The following CTNNA3 variants were observed in gnomAD, a reference collection of about 807,000 sequenced individuals.
The protein encoded by CTNNA3 is catenin alpha 3.
A neutral mutation model predicts 95.7 loss-of-function variants in CTNNA3; 76 were observed. The ratio of observed to expected loss-of-function variants is 0.79; its 90% CI spans 0.66 to 0.96. The LOEUF (loss-of-function observed/expected upper bound fraction) is 0.96, where lower values mean the gene tolerates loss of function less well. Ranked by LOEUF, CTNNA3 falls within the 40% of genes least tolerant of loss-of-function variation. CTNNA3 has a pLI of 0.00. For missense variants in CTNNA3, 1,191 were observed against 1,089.8 expected (o/e 1.09, Z -1.31); for synonymous variants, 431 against 374.4 (o/e 1.15, Z -1.74).
intron 12 of CTNNA3, among the ~76,000 whole-genome samples, chr10:66,340,153 C>T (rs1034351008): frequency 7.2e-5 from 11 of 151,824 alleles, no homozygotes; most frequent in Admixed American, 5.9e-4. Context: ...TCACCATATA[C>T]TCAAGAAACT....
intron 7 of CTNNA3, among the ~76,000 whole-genome samples, chr10:67,051,789 C>T (rs1328767457): frequency 1.3e-5 from 2 of 150,098 alleles, no homozygotes; most frequent in East Asian, 2.0e-4. Flanking sequence ...GAGTCTCACT[C>T]TCTCTCCCAG....
intron 13 of CTNNA3, among the ~76,000 whole-genome samples, chr10:66,132,218 G>T (rs922349126): frequency 1.3e-5 from 2 of 152,004 alleles, no homozygotes; most frequent in African/African-American, 4.8e-5. Flanking sequence ...TAAGACAAAA[G>T]CAAACAATCC....
chr10:67,296,164 C>A (rs536294648), intron 5 of CTNNA3, among the ~76,000 whole-genome samples: 1 of 152,166 alleles, frequency 6.6e-6, no homozygotes, highest in Non-Finnish European at 1.5e-5. Flanking sequence ...CTGGAGGAAG[C>A]AAACACAGTT....
intron 7 of CTNNA3, among the ~76,000 whole-genome samples, chr10:66,923,263 C>T (rs941809910): frequency 4.6e-5 from 7 of 152,138 alleles, no homozygotes; most frequent in African/African-American, 1.7e-4. Flanking sequence ...AGATTTATCC[C>T]AGGAAAAGCA....
Position 67,690,665 on chromosome 10 carries a change from T to C in CTNNA3, c.-6+5335A>G, listed in dbSNP as rs964496891. Among the ~76,000 whole-genome samples the C allele has an allele frequency of 4.6e-5, 7 of 152,182 alleles. No individual in the cohort carries two copies. In the South Asian group the frequency reaches 1.0e-3, roughly 22 times the overall value. On this transcript the variant is annotated intron_variant, in intron 1 of 17. Coordinates refer to ENST00000433211, the MANE Select transcript of CTNNA3 (RefSeq NM_013266.4). ...ATTGGTGCATTTACAATCCCTTAGCTATTCAGAAAAGTTCTCCAAGTCCCC... is the reference window on the plus strand; with the variant it reads ...ATTGGTGCATTTACAATCCCTTAGCCATTCAGAAAAGTTCTCCAAGTCCCC...
chr10:67,174,452 G>C (rs1862149776), intron 7 of CTNNA3, among the ~76,000 whole-genome samples: 1 of 152,064 alleles, frequency 6.6e-6, no homozygotes, highest in African/African-American at 2.4e-5. Context: ...AACTTAACTT[G>C]TCAAGAAGGA....
chr10:65,925,532 G>C (rs1170909867), intron 17 of CTNNA3, among the ~76,000 whole-genome samples: 1 of 152,096 alleles, frequency 6.6e-6, no homozygotes, highest in Non-Finnish European at 1.5e-5. Flanking sequence ...CACCTCCTGA[G>C]TTCAAGCAAT....
chr10:67,395,555 G>A (rs911359171), intron 5 of CTNNA3, among the ~76,000 whole-genome samples: 1 of 152,168 alleles, frequency 6.6e-6, no homozygotes, highest in African/African-American at 2.4e-5. Flanking sequence ...CAGCAGGCAG[G>A]GAAGTGGTAG....
chr10:67,246,622 A>G (rs1395490304), intron 5 of CTNNA3, among the ~76,000 whole-genome samples: 4 of 152,188 alleles, frequency 2.6e-5, no homozygotes, highest in African/African-American at 9.6e-5. Context: ...AACATCACGG[A>G]ATATCTTATA....
At chr10:66,900,182 G>A (rs555096920) in intron 7 of CTNNA3, among the ~76,000 whole-genome samples, 12 of 152,152 alleles carry the variant, frequency 7.9e-5, no homozygotes, top group Non-Finnish European at 1.5e-4. Context: ...TTTCTGTTCT[G>A]CAATACTTGC....
intron 9 of CTNNA3, among the ~76,000 whole-genome samples, chr10:66,648,661 T>C (rs1309038499): frequency 7.0e-6 from 1 of 142,008 alleles, no homozygotes; most frequent in African/African-American, 2.7e-5. Context: ...AAAATGATTG[T>C]AAAAAAATCA....
Position 66,457,362 on chromosome 10 carries a change from AG to A in CTNNA3, c.1531+63254del, listed in dbSNP as rs200662805. Among the ~76,000 whole-genome samples, 18 of 152,088 alleles carry A rather than the reference AG, an allele frequency of 1.2e-4. 1 individual carries two copies. The highest frequency in any genetic ancestry group is 5.8e-4 in the East Asian group (3 of 5,150). ...AAAGCACTCTCGAAACTCAATAAAA[AG>A]AAAACAAACAACTCAATTTAAAAAT... On this transcript the variant is annotated intron_variant, in intron 11 of 17. Coordinates refer to ENST00000433211, the MANE Select transcript of CTNNA3 (RefSeq NM_013266.4).
At chr10:66,229,592 T>C (rs978014638) in intron 13 of CTNNA3, among the ~76,000 whole-genome samples, 3 of 152,176 alleles carry the variant, frequency 2.0e-5, no homozygotes, top group Admixed American at 6.5e-5. Context: ...AGAAATCTTC[T>C]GTTAGTCTGA....
At chr10:67,134,644 A>G (rs534016657) in intron 7 of CTNNA3, among the ~76,000 whole-genome samples, 1 of 152,138 alleles carries the variant, frequency 6.6e-6, no homozygotes, top group African/African-American at 2.4e-5. Context: ...TTAAGCTTGT[A>G]TCCTAGATAT....
chr10:67,759,912 C>G (rs1439236413), intron 1 of CTNNA3, among the ~76,000 whole-genome samples: 2 of 152,176 alleles, frequency 1.3e-5, no homozygotes, highest in Admixed American at 1.3e-4. Context: ...GATTGCAGCC[C>G]CAGTCACCAC....
At chr10:66,554,229 C>G (rs1842321890) in intron 10 of CTNNA3, among the ~76,000 whole-genome samples, 1 of 152,050 alleles carries the variant, frequency 6.6e-6, no homozygotes, top group South Asian at 2.1e-4. Flanking sequence ...GTTCAGCTTC[C>G]CATTGTTTTT....
At chr10:66,793,570 A>G (rs931760551) in intron 7 of CTNNA3, among the ~76,000 whole-genome samples, 3 of 152,062 alleles carry the variant, frequency 2.0e-5, no homozygotes, top group African/African-American at 7.2e-5. Context: ...ATTCCTCTGT[A>G]TAGGTATTTT....
intron 5 of CTNNA3, among the ~76,000 whole-genome samples, chr10:67,319,381 G>C (rs1841211116): frequency 6.6e-6 from 1 of 151,984 alleles, no homozygotes; most frequent in African/African-American, 2.4e-5. Flanking sequence ...TAGGGACCAG[G>C]GGTAATCTCC....
At chr10:67,725,986 CTATATAT>C (rs886466730) in intron 1 of CTNNA3, among the ~76,000 whole-genome samples, 5 of 131,014 alleles carry the variant, frequency 3.8e-5, no homozygotes, top group East Asian at 2.2e-4. Flanking sequence ...ATACTATATA[CTATATAT>C]TATATATTAT....
Sources: allele counts gnomAD v4.1 joint callset (sites outside exome capture counted in the v4.1 genomes callset), GRCh38; gene constraint gnomAD v4.1.1; transcripts MANE v1.5; gene names NCBI Gene and HGNC (gene_info 2026-07-23, HGNC 2026-07-21).